The following ATP6V0D2 variants were observed in gnomAD, a reference collection of about 807,000 sequenced individuals.
ATP6V0D2 encodes ATPase H+ transporting V0 subunit d2, also known as V-type proton ATPase subunit d 2.
In ATP6V0D2, 40 loss-of-function variants were observed where a neutral mutation model predicts 40.0. That is an observed-to-expected ratio of 1.00 (90% CI 0.78 to 1.30). ATP6V0D2 has a LOEUF of 1.30. Ranked by LOEUF, ATP6V0D2 falls within the 50% of genes most tolerant of loss-of-function variation. The pLI, the probability that ATP6V0D2 is intolerant of heterozygous loss-of-function variation, is 0.00. For missense variants in ATP6V0D2, 470 were observed against 423.1 expected (o/e 1.11, Z -0.97); for synonymous variants, 179 against 156.3 (o/e 1.15, Z -1.08).
intron 2 of ATP6V0D2, among the ~76,000 whole-genome samples, chr8:86,119,992 G>A (rs1818648216): frequency 2.0e-5 from 3 of 152,196 alleles, no homozygotes; most frequent in Admixed American, 6.6e-5. Flanking sequence ...ATTTTATATA[G>A]CACTTGAAAA....
chr8:86,100,874 G>A (rs1183002053), intron 1 of ATP6V0D2, among the ~76,000 whole-genome samples: 2 of 150,970 alleles, frequency 1.3e-5, no homozygotes, highest in Admixed American at 6.6e-5. Flanking sequence ...AAAAAAGAAG[G>A]AAACAAAAAA....
At position 86,141,464 on chromosome 8, in the gene ATP6V0D2, G is replaced by A; in HGVS notation, c.496G>A (p.Asp166Asn). The A allele has an allele frequency of 6.2e-7, 1 of 1,610,634 alleles. No homozygotes were observed. Among genetic ancestry groups the A allele is most frequent in the South Asian group, 1.1e-5 (1 of 90,898 alleles). ...TCTGCTTTCAGCTCCATTCTTCCAA[G>A]ACTGCATGTCTGAAAATGCTCTAGA... ...IETPLAPFFQ[D>N]CMSENALDEL... Residue 166 changes from aspartate to asparagine, a missense_variant, in exon 4 of 8, where the codon GAC (aspartate) becomes AAC (asparagine). Transcript: ENST00000285393.
At chr8:86,143,369 G>A (rs1819003590) in intron 5 of ATP6V0D2, among the ~76,000 whole-genome samples, 1 of 152,306 alleles carries the variant, frequency 6.6e-6, no homozygotes, top group Non-Finnish European at 1.5e-5. Context: ...TAAAGTGAAA[G>A]CAAGTTTATT....
chr8:86,111,724 G>A (rs1400470055), intron 1 of ATP6V0D2, among the ~76,000 whole-genome samples: 2 of 152,056 alleles, frequency 1.3e-5, no homozygotes, highest in Non-Finnish European at 2.9e-5. Flanking sequence ...CTAAGTCATC[G>A]AATGCCTGCC....
At chr8:86,149,077 C>CAAAAAAAAAAAAAAAAAAAAA (rs1819109621) in intron 5 of ATP6V0D2, among the ~76,000 whole-genome samples, 1 of 35,776 alleles carries the variant, frequency 2.8e-5, no homozygotes, top group Non-Finnish European at 5.9e-5. Flanking sequence ...AAAAAAAAAC[C>CAAAAAAAAAAAAAAAAAAAAA]AATGAACAAG....
chr8:86,149,680 C>T (rs1819117012), intron 5 of ATP6V0D2, among the ~76,000 whole-genome samples: 2 of 152,310 alleles, frequency 1.3e-5, no homozygotes, highest in African/African-American at 2.4e-5. Context: ...GGGATATTAA[C>T]ATGTATGGCA....
chr8:86,151,894 G>A (rs975906354), intron 7 of ATP6V0D2, among the ~76,000 whole-genome samples: 1 of 151,254 alleles, frequency 6.6e-6, no homozygotes, highest in African/African-American at 2.4e-5. Context: ...TAAAATTTTG[G>A]TTAATCATAT....
intron 5 of ATP6V0D2, among the ~76,000 whole-genome samples, chr8:86,148,948 C>T (rs1025453721): frequency 1.3e-5 from 2 of 150,180 alleles, no homozygotes; most frequent in African/African-American, 4.9e-5. Flanking sequence ...TGCCTGTAGT[C>T]CCTGCCACTT....
chr8:86,100,092 A>T (rs1818375644), intron 1 of ATP6V0D2, among the ~76,000 whole-genome samples: 1 of 151,902 alleles, frequency 6.6e-6, no homozygotes, highest in African/African-American at 2.4e-5. Context: ...CTGGATTCAA[A>T]AGTCCTGGAT....
rs932595299 is a variant in ATP6V0D2 at position 86,150,197 on chromosome 8, C to T, written c.725C>T (p.Pro242Leu). The change falls in exon 6 of 8, where the codon CCA becomes CTA. Residue 242 changes from proline to leucine, a missense_variant. Physicochemically the swap from Pro to Leu is moderately conservative, Grantham distance 98. Coordinates refer to ENST00000285393, the MANE Select transcript of ATP6V0D2 (RefSeq NM_152565.1). ...LSKEDRETLY[P>L]TFGKLYPEGL... Reference sequence around the variant, plus strand: ...AAAGAAGACCGAGAGACCCTCTATCCAACCTTCGGCAAACTCTATCCTGAG... The same window carrying T: ...AAAGAAGACCGAGAGACCCTCTATCTAACCTTCGGCAAACTCTATCCTGAG... 60 of 1,613,272 alleles carry T rather than the reference C, an allele frequency of 3.7e-5. No homozygotes were observed. Among genetic ancestry groups the T allele is most frequent in the Non-Finnish European group, 4.9e-5 (58 of 1,179,858 alleles).
rs1450492183 is a variant in ATP6V0D2 at position 86,153,724 on chromosome 8, A to G, written c.*747A>G. Reference sequence around the variant, plus strand: ...AGAAATCCAAAGCTGTATGTAGTCAACATGGTTCACAAGTGTTGGAAAATG... The same window carrying G: ...AGAAATCCAAAGCTGTATGTAGTCAGCATGGTTCACAAGTGTTGGAAAATG... On this transcript the variant is annotated 3_prime_UTR_variant, in exon 8 of 8. Coordinates refer to ENST00000285393, the MANE Select transcript of ATP6V0D2 (RefSeq NM_152565.1). 6.6e-6 allele frequency: 1 copy of G among 152,198 alleles called. No individual in the cohort carries two copies. The highest frequency in any genetic ancestry group is 6.6e-5 in the Admixed American group (1 of 15,242). 9.4% of individuals were successfully genotyped at this position (152,198 alleles called of 1,614,324 possible). A position where few individuals can be genotyped will look rare whatever the true frequency, so the allele number is the denominator to read the frequency against.
chr8:86,103,103 C>G (rs1457712489), intron 1 of ATP6V0D2, among the ~76,000 whole-genome samples: 2 of 151,812 alleles, frequency 1.3e-5, no homozygotes, highest in African/African-American at 4.8e-5. Flanking sequence ...TGTGGGAGGT[C>G]ATTCTGGATT....
chr8:86,110,735 TTGA>T (rs1354938536), intron 1 of ATP6V0D2, among the ~76,000 whole-genome samples: 9 of 152,098 alleles, frequency 5.9e-5, no homozygotes, highest in Admixed American at 5.9e-4. Flanking sequence ...TCACCAAAAC[TTGA>T]TGATTTGGAA....
intron 2 of ATP6V0D2, among the ~76,000 whole-genome samples, chr8:86,129,865 T>TACTC (rs1355976485): frequency 6.7e-6 from 1 of 148,420 alleles, no homozygotes; most frequent in Non-Finnish European, 1.5e-5. Context: ...TAGCCGCAGT[T>TACTC]ACTCTGGAGG....
intron 1 of ATP6V0D2, among the ~76,000 whole-genome samples, chr8:86,112,612 G>T (rs563524504): frequency 6.6e-6 from 1 of 152,168 alleles, no homozygotes; most frequent in Non-Finnish European, 1.5e-5. Context: ...AATGTTACCA[G>T]TAGGGTAACA....
Position 86,150,240 on chromosome 8 carries a change from T to C in ATP6V0D2, c.768T>C (p.Ala256=), listed in dbSNP as rs1378251744. 1 of 1,613,250 alleles carries C rather than the reference T, an allele frequency of 6.2e-7. No homozygotes were observed. The highest frequency in any genetic ancestry group is 1.1e-5 in the South Asian group (1 of 91,024). The part of the protein sequence containing the change: ...KLYPEGLRLL[A]QAEDFDQMKN... The stretch of plus-strand genomic sequence containing the variant: ...ATCCTGAGGGGTTGCGGCTGTTGGC[T>C]CAAGCAGAAGACTTTGACCAGATGA... Residue 256 remains alanine, a synonymous_variant, in exon 6 of 8, where the codon GCT becomes GCC. Coordinates refer to ENST00000285393, the MANE Select transcript of ATP6V0D2 (RefSeq NM_152565.1).
chr8:86,114,457 G>T (rs1395444224), intron 2 of ATP6V0D2, among the ~76,000 whole-genome samples: 1 of 152,162 alleles, frequency 6.6e-6, no homozygotes, highest in Non-Finnish European at 1.5e-5. Flanking sequence ...GGATCACGAG[G>T]TCAGGAATTC....
At chr8:86,143,089 T>C in intron 5 of ATP6V0D2, 135 bp downstream of exon 5, 1 of 549,756 alleles carries the variant, frequency 1.8e-6, no homozygotes, top group Admixed American at 3.0e-5. Flanking sequence ...CATTTTATTA[T>C]ACATATGATT....
intron 2 of ATP6V0D2, among the ~76,000 whole-genome samples, chr8:86,121,630 A>ATG (rs1818672472): frequency 6.6e-6 from 1 of 151,904 alleles, no homozygotes; most frequent in African/African-American, 2.4e-5. Flanking sequence ...AAGGAGAAAG[A>ATG]AGGAAAAGGA....
Sources: gnomAD v4.1 joint callset for allele counts (sites outside exome capture counted in the v4.1 genomes callset) on GRCh38, gnomAD v4.1.1 for gene constraint, MANE v1.5 for transcripts, NCBI Gene and HGNC (gene_info 2026-07-23, HGNC 2026-07-21) for gene names.